Variants in KAT2B observed in about 807,000 individuals in gnomAD.
The protein encoded by KAT2B is lysine acetyltransferase 2B.
A neutral mutation model predicts 105.9 loss-of-function variants in KAT2B; 36 were observed. The ratio of observed to expected loss-of-function variants is 0.34; its 90% CI spans 0.26 to 0.45. The LOEUF is 0.45. Ranked by LOEUF, KAT2B falls within the 20% of genes least tolerant of loss-of-function variation. The pLI, the probability that KAT2B is intolerant of heterozygous loss-of-function variation, is 1.00. For synonymous variants in KAT2B, 397 were observed against 377.9 expected (o/e 1.05, Z -0.59); for missense variants, 820 against 1,021.6 (o/e 0.80, Z 2.69).
intron 1 of KAT2B, among the ~76,000 whole-genome samples, chr3:20,063,092 G>A (rs193173066): frequency 1.1e-3 from 169 of 151,934 alleles, no homozygotes; most frequent in African/African-American, 3.5e-3. Flanking sequence ...TTTTTAGACA[G>A]TATCTTGCTC....
chr3:20,103,689 G>A (rs143698277), intron 5 of KAT2B, among the ~76,000 whole-genome samples: 1 of 152,274 alleles, frequency 6.6e-6, no homozygotes, highest in East Asian at 1.9e-4. Flanking sequence ...GATTACATGT[G>A]TGAGTCACTG....
chr3:20,150,405 A>T (rs536914113), intron 17 of KAT2B, among the ~76,000 whole-genome samples: 3 of 152,240 alleles, frequency 2.0e-5, no homozygotes, highest in Admixed American at 6.5e-5. Context: ...TGTTTCTCTC[A>T]TATGGATGGG....
At chr3:20,111,290 T>A (rs1181974642) in intron 5 of KAT2B, among the ~76,000 whole-genome samples, 1 of 152,162 alleles carries the variant, frequency 6.6e-6, no homozygotes, top group East Asian at 1.9e-4. Flanking sequence ...GTAATCAAAT[T>A]TTCAAAGTTA....
intron 1 of KAT2B, among the ~76,000 whole-genome samples, chr3:20,054,203 C>G (rs937074204): frequency 6.8e-6 from 1 of 147,734 alleles, no homozygotes; most frequent in African/African-American, 2.4e-5. Flanking sequence ...GATCTTGGCT[C>G]ACTGCAATCT....
intron 1 of KAT2B, among the ~76,000 whole-genome samples, chr3:20,059,104 G>GT (rs1453645784): frequency 3.3e-5 from 5 of 152,076 alleles, no homozygotes; most frequent in East Asian, 1.9e-4. Flanking sequence ...TCCAGGTGTT[G>GT]TTTTTTAAAA....
At chr3:20,108,399 A>G (rs900879063) in intron 5 of KAT2B, among the ~76,000 whole-genome samples, 2 of 152,330 alleles carry the variant, frequency 1.3e-5, no homozygotes, top group South Asian at 2.1e-4. Flanking sequence ...TTGGACAATA[A>G]ATCTTTAAAC....
intron 11 of KAT2B, among the ~76,000 whole-genome samples, chr3:20,128,504 T>C (rs1267652750): frequency 6.6e-6 from 1 of 152,152 alleles, no homozygotes; most frequent in Non-Finnish European, 1.5e-5. Flanking sequence ...TTGTTTTTTT[T>C]TGTTGCTAAT....
intron 5 of KAT2B, among the ~76,000 whole-genome samples, chr3:20,107,673 C>A (rs1189908612): frequency 1.2e-4 from 17 of 143,436 alleles, no homozygotes; most frequent in Admixed American, 3.5e-4. Context: ...AAAAAAAAAA[C>A]CACAAAAACA....
At chr3:20,079,645 T>A (rs185280549) in intron 2 of KAT2B, among the ~76,000 whole-genome samples, 26 of 152,336 alleles carry the variant, frequency 1.7e-4, no homozygotes, top group African/African-American at 6.0e-4. Flanking sequence ...GGCAGATCAT[T>A]TGACTCAACA....
intron 7 of KAT2B, among the ~76,000 whole-genome samples, chr3:20,117,761 G>A (rs1445465374): frequency 6.6e-6 from 1 of 152,148 alleles, no homozygotes. Flanking sequence ...TGTCCTGTAT[G>A]TGACCAGTGT....
rs1699914121 is a variant in KAT2B at position 20,154,295 on chromosome 3, T to C, written c.*1770T>C. Reference sequence around the variant, plus strand: ...ATTGTGCAATAAAGCTGAAGTAGAATGTGTGGTTTTTGCAAATGCTTTAAC... The same window carrying C: ...ATTGTGCAATAAAGCTGAAGTAGAACGTGTGGTTTTTGCAAATGCTTTAAC... On this transcript the variant is annotated 3_prime_UTR_variant, in exon 18 of 18. Transcript: ENST00000263754. 1 of 152,616 alleles carries C rather than the reference T, an allele frequency of 6.6e-6. No individual in the cohort carries two copies. Among genetic ancestry groups the C allele is most frequent in the Non-Finnish European group, 1.5e-5 (1 of 68,022 alleles). 9.5% of individuals were successfully genotyped at this position (152,616 alleles called of 1,614,324 possible). A position where few individuals can be genotyped will look rare whatever the true frequency, so the allele number is the denominator to read the frequency against.
intron 2 of KAT2B, among the ~76,000 whole-genome samples, chr3:20,094,605 A>G (rs1268187295): frequency 3.9e-5 from 6 of 152,216 alleles, no homozygotes; most frequent in Non-Finnish European, 7.3e-5. Flanking sequence ...GACAGGTCAC[A>G]AAACTATAGT....
At chr3:20,139,401 G>C (rs6799887) in intron 12 of KAT2B, among the ~76,000 whole-genome samples, 39,930 of 151,912 alleles carry the variant, frequency 0.26, 8,058 homozygotes, top group East Asian at 0.62. Context: ...GCTTTCCTCA[G>C]CTGTAACTGT....
At chr3:20,044,981 A>T (rs748643999) in intron 1 of KAT2B, among the ~76,000 whole-genome samples, 11 of 152,176 alleles carry the variant, frequency 7.2e-5, no homozygotes, top group Non-Finnish European at 1.3e-4. Context: ...GGACAGTTCT[A>T]GGTGTCCCAC....
chr3:20,062,027 TA>T (rs1168369031), intron 1 of KAT2B, among the ~76,000 whole-genome samples: 5 of 101,694 alleles, frequency 4.9e-5, no homozygotes, highest in East Asian at 2.8e-4. Flanking sequence ...ATATAAAACA[TA>T]ATATATATTA....
At chr3:20,091,668 T>G (rs886884791) in intron 2 of KAT2B, among the ~76,000 whole-genome samples, 10 of 152,208 alleles carry the variant, frequency 6.6e-5, no homozygotes, top group Non-Finnish European at 1.2e-4. Context: ...TGCTGCATTT[T>G]GTAAGTTTTG....
At position 20,125,987 on chromosome 3, in the gene KAT2B, T is replaced by G. The variant is rs1455572254; in HGVS notation, c.1496T>G (p.Val499Gly). 6.2e-7 allele frequency: 1 copy of G among 1,614,060 alleles called. No homozygotes were observed. Among genetic ancestry groups the G allele is most frequent in the Non-Finnish European group, 8.5e-7 (1 of 1,179,998 alleles). The change falls in exon 10 of 18, where the codon GTT becomes GGT. Residue 499 changes from valine (V) to glycine (G), a missense_variant. Transcript: ENST00000263754. ...AGGGGTGTAATTGAATTTCACGTGG[T>G]TGGCAATTCCCTCAACCAGAAACCA... ...ERRGVIEFHV[V>G]GNSLNQKPNK...
chr3:20,125,306 G>GAAAAAAAAAAAAA (rs34271857), intron 9 of KAT2B, among the ~76,000 whole-genome samples: 1 of 117,162 alleles, frequency 8.5e-6, no homozygotes, highest in Admixed American at 9.2e-5. Flanking sequence ...CTCCGTCTCA[G>GAAAAAAAAAAAAA]AAAAAAAAAA....
chr3:20,056,530 C>G (rs1698006765), intron 1 of KAT2B, among the ~76,000 whole-genome samples: 1 of 152,088 alleles, frequency 6.6e-6, no homozygotes, highest in African/African-American at 2.4e-5. Context: ...TTCTGAATGC[C>G]TCATAGATGT....
Sources: allele counts gnomAD v4.1 joint callset (sites outside exome capture counted in the v4.1 genomes callset), GRCh38; gene constraint gnomAD v4.1.1; transcripts MANE v1.5; gene names NCBI Gene and HGNC (gene_info 2026-07-23, HGNC 2026-07-21).